Variants in DNAH8 observed in about 807,000 individuals in gnomAD.
DNAH8 encodes the protein dynein axonemal heavy chain 8.
Under a neutral mutation model 562.1 loss-of-function variants are expected in DNAH8, and 382 were observed. The observed-to-expected ratio is 0.68, with a 90% CI of 0.63 to 0.74. DNAH8 has a LOEUF of 0.74. Ranked by LOEUF, DNAH8 falls within the 30% of genes least tolerant of loss-of-function variation. The pLI is 0.00. For synonymous variants in DNAH8, 1,881 were observed against 1,919.4 expected, an observed-to-expected ratio of 0.98 and a Z score of 0.52; for missense variants, 5,203 against 5,620.4, an observed-to-expected ratio of 0.93 and a Z score of 2.37.
Position 38,924,020 on chromosome 6 carries a change from G to T in DNAH8, c.10820G>T (p.Gly3607Val). 1.9e-6 allele frequency: 3 copies of T among 1,613,966 alleles called. No homozygotes were observed. The highest frequency in any genetic ancestry group is 2.5e-6 in the Non-Finnish European group (3 of 1,179,914). Residue 3607 changes from glycine (G) to valine (V), a missense_variant, in exon 73 of 93, where the codon GGA becomes GTA. Around this residue, in one of 6 missense-constraint regions of DNAH8, gnomAD observed 1,399 missense variants for 1,518.4 expected, o/e 0.92. Transcript: ENST00000327475. Reference sequence around the variant, plus strand: ...GTAGGTGATATTCTGCTGTGCACGGGATTCCTTTCCTACCTTGGTCCTTTC... The same window carrying T: ...GTAGGTGATATTCTGCTGTGCACGGTATTCCTTTCCTACCTTGGTCCTTTC... Reference protein sequence around the residue: ...RLVGDILLCTGFLSYLGPFNQ... With the variant: ...RLVGDILLCTVFLSYLGPFNQ...
Position 38,833,591 on chromosome 6 carries a change from A to G in DNAH8, c.4303-988A>G, listed in dbSNP as rs1388096832. Reference sequence around the variant, plus strand: ...ATTAGAAACAGCTTAACTAATCAGAAGCCGCAAACAAGCCCATAATTATAT... The same window carrying G: ...ATTAGAAACAGCTTAACTAATCAGAGGCCGCAAACAAGCCCATAATTATAT... On this transcript the variant is annotated intron_variant, in intron 31 of 92. Transcript: ENST00000327475. Among the ~76,000 whole-genome samples the G allele has an allele frequency of 5.3e-5, 8 of 152,338 alleles. No individual in the cohort carries two copies. In the East Asian group the frequency reaches 1.2e-3, roughly 22 times the overall value.
intron 91 of DNAH8, among the ~76,000 whole-genome samples, chr6:39,016,547 T>C (rs1233608198): frequency 3.8e-5 from 5 of 130,782 alleles, no homozygotes; most frequent in African/African-American, 1.4e-4. Flanking sequence ...CGAGACTCTG[T>C]CTCAAAAAAA....
intron 91 of DNAH8, among the ~76,000 whole-genome samples, chr6:39,018,719 A>C (rs889779298): frequency 6.6e-6 from 1 of 152,150 alleles, no homozygotes; most frequent in Non-Finnish European, 1.5e-5. Context: ...TGGGCTCCTC[A>C]TGTCAAACAG....
intron 87 of DNAH8, among the ~76,000 whole-genome samples, chr6:38,986,342 A>G (rs989670793): frequency 1.3e-5 from 2 of 152,216 alleles, no homozygotes; most frequent in African/African-American, 4.8e-5. Flanking sequence ...AGAGCTTTAA[A>G]AAAAAGTAAA....
chr6:38,764,472 A>G (rs1438845074), intron 11 of DNAH8: 2 of 152,302 alleles, frequency 1.3e-5, no homozygotes, highest in Non-Finnish European at 2.9e-5. Context: ...CAAAAAAAAG[A>G]TGACAAAAAA....
chr6:38,847,247 C>G (rs1283508509), intron 36 of DNAH8, among the ~76,000 whole-genome samples: 1 of 152,104 alleles, frequency 6.6e-6, no homozygotes, highest in Admixed American at 6.6e-5. Flanking sequence ...AGGACAGAAA[C>G]TAGCTATGCT....
At chr6:38,879,172 T>C (rs1362734763) in intron 53 of DNAH8, among the ~76,000 whole-genome samples, 5 of 152,012 alleles carry the variant, frequency 3.3e-5, no homozygotes, top group Admixed American at 2.0e-4. Context: ...GAAGAAATAA[T>C]ACCAACTGTA....
intron 91 of DNAH8, among the ~76,000 whole-genome samples, chr6:39,013,864 G>C (rs2150775944): frequency 9.2e-6 from 1 of 109,182 alleles, no homozygotes; most frequent in Middle Eastern, 4.1e-3. Context: ...AAGAGAGAGA[G>C]AGAGAGAAAG....
intron 82 of DNAH8, among the ~76,000 whole-genome samples, chr6:38,968,904 CA>C (rs1289238214): frequency 6.6e-6 from 1 of 152,088 alleles, no homozygotes. Flanking sequence ...GGCTGATGAA[CA>C]GATAAAGAAA....
intron 10 of DNAH8, among the ~76,000 whole-genome samples, chr6:38,758,319 G>C (rs1357524734): frequency 2.6e-5 from 4 of 151,558 alleles, no homozygotes; most frequent in Admixed American, 1.3e-4. Context: ...TCATGATTTG[G>C]CTCTCTGTTT....
At chr6:38,795,406 C>T (rs545404287) in intron 21 of DNAH8, among the ~76,000 whole-genome samples, 5 of 151,986 alleles carry the variant, frequency 3.3e-5, no homozygotes, top group Admixed American at 1.3e-4. Flanking sequence ...GGTGAAACCC[C>T]GTCTCTACTA....
intron 23 of DNAH8, among the ~76,000 whole-genome samples, chr6:38,806,299 A>G (rs534121797): frequency 3.9e-5 from 6 of 152,302 alleles, no homozygotes; most frequent in African/African-American, 1.4e-4. Context: ...GCAGTTTTAG[A>G]AATAAACAGC....
At chr6:38,894,965 G>C in intron 59 of DNAH8, 101 bp downstream of exon 59, 1 of 1,251,298 alleles carries the variant, frequency 8.0e-7, no homozygotes, top group Non-Finnish European at 1.1e-6. Context: ...TTTTGCTCTT[G>C]TTGCCCAGGC....
At chr6:38,782,170 T>C (rs948223509) in intron 16 of DNAH8, among the ~76,000 whole-genome samples, 2 of 152,078 alleles carry the variant, frequency 1.3e-5, no homozygotes, top group African/African-American at 4.8e-5. Context: ...GGGGACTCAG[T>C]TGCTGATTGA....
chr6:39,012,852 T>A (rs1471910424), intron 91 of DNAH8, among the ~76,000 whole-genome samples: 5 of 152,200 alleles, frequency 3.3e-5, no homozygotes, highest in Non-Finnish European at 7.3e-5. Flanking sequence ...TACAATGTGG[T>A]AGCAAAATCC....
intron 54 of DNAH8, 133 bp from the exon 55 acceptor site, chr6:38,883,189 T>C: frequency 7.6e-7 from 1 of 1,323,420 alleles, no homozygotes; most frequent in Non-Finnish European, 1.0e-6. Flanking sequence ...CTTATTTTGA[T>C]GGTAGATGCA....
chr6:38,945,616 T>G (rs760858591), intron 80 of DNAH8, 28 bp downstream of exon 80: 1 of 1,612,838 alleles, frequency 6.2e-7, no homozygotes, highest in South Asian at 1.1e-5. Flanking sequence ...TGGTTGAAAG[T>G]GCAGATCTGC....
At chr6:39,026,417 G>A (rs1434383865) in intron 91 of DNAH8, 129 bp from the exon 92 acceptor site, 5 of 915,386 alleles carry the variant, frequency 5.5e-6, no homozygotes, top group Non-Finnish European at 6.5e-6. Context: ...CTGGGGTTTG[G>A]CCTCAACTCC....
chr6:38,755,803 T>G (rs1007399638), intron 9 of DNAH8, among the ~76,000 whole-genome samples, 169 bp from the exon 10 acceptor site: 3 of 152,208 alleles, frequency 2.0e-5, no homozygotes, highest in African/African-American at 7.2e-5. Flanking sequence ...TGTCCTGTTA[T>G]CTGTTCCAGG....
Sources: gnomAD v4.1 joint callset for allele counts (sites outside exome capture counted in the v4.1 genomes callset) on GRCh38, gnomAD v4.1.1 for gene constraint, gnomAD v4.1.1 regional missense constraint, MANE v1.5 for transcripts, NCBI Gene and HGNC (gene_info 2026-07-23, HGNC 2026-07-21) for gene names.